Variants in NR3C2 observed in about 807,000 individuals in gnomAD.
NR3C2 encodes the protein mineralocorticoid receptor.
A neutral mutation model predicts 86.4 loss-of-function variants in NR3C2; 15 were observed. The ratio of observed to expected loss-of-function variants is 0.17; its 90% CI spans 0.12 to 0.27. The LOEUF is 0.27. Among genes scored for constraint, NR3C2 ranks in the 10% least tolerant of loss-of-function variants. NR3C2 has a pLI of 1.00. For synonymous variants in NR3C2, 458 were observed against 450.5 expected (o/e 1.02, Z -0.21); for missense variants, 960 against 1,195.6 (o/e 0.80, Z 2.91).
At chr4:148,385,485 G>T (rs533491428) in intron 2 of NR3C2, among the ~76,000 whole-genome samples, 15 of 152,280 alleles carry the variant, frequency 9.9e-5, no homozygotes, top group Admixed American at 7.8e-4. Context: ...GAAACCTCAG[G>T]TTGCTCAGAT....
chr4:148,415,887 G>C (rs538552550), intron 2 of NR3C2, among the ~76,000 whole-genome samples: 1 of 152,066 alleles, frequency 6.6e-6, no homozygotes, highest in South Asian at 2.1e-4. Context: ...AATAAACAAA[G>C]CAAGTAATCC....
At chr4:148,351,112 A>G (rs1199367179) in intron 2 of NR3C2, among the ~76,000 whole-genome samples, 2 of 152,090 alleles carry the variant, frequency 1.3e-5, no homozygotes, top group Non-Finnish European at 2.9e-5. Context: ...CTTTTGTTCT[A>G]ACATTGATTT....
chr4:148,243,878 T>G (rs1739186633), intron 3 of NR3C2, among the ~76,000 whole-genome samples: 1 of 152,230 alleles, frequency 6.6e-6, no homozygotes, highest in African/African-American at 2.4e-5. Flanking sequence ...AAAACTGCTG[T>G]ATGATTGCTG....
chr4:148,293,264 T>C (rs1246744086), intron 2 of NR3C2, among the ~76,000 whole-genome samples: 2 of 152,180 alleles, frequency 1.3e-5, no homozygotes, highest in Non-Finnish European at 2.9e-5. Context: ...TTTATAACCA[T>C]TCATTCAGAA....
chr4:148,387,462 T>C (rs774978255), intron 2 of NR3C2, among the ~76,000 whole-genome samples: 4 of 152,202 alleles, frequency 2.6e-5, no homozygotes, highest in Admixed American at 6.5e-5. Flanking sequence ...TTATTTTTTA[T>C]GGATATATCA....
intron 3 of NR3C2, among the ~76,000 whole-genome samples, chr4:148,214,028 G>T (rs867427931): frequency 6.6e-6 from 1 of 152,218 alleles, no homozygotes; most frequent in Non-Finnish European, 1.5e-5. Flanking sequence ...GGTCACAGAG[G>T]TAATGGAGAG....
In NR3C2 at chr4:148,194,718, T is replaced by C. The variant is rs755751183; in HGVS notation, c.2014+28A>G. 5.3e-6 allele frequency: 8 copies of C among 1,501,508 alleles called. No individual in the cohort carries two copies. In the East Asian group the frequency reaches 1.4e-4, roughly 25 times the overall value. 93.0% of individuals were successfully genotyped at this position (1,501,508 alleles called of 1,614,324 possible). ...GCTGTTGCATTACCTATTAACAATT[T>C]TTATTAAACTAAAAATACAAAACTT... On this transcript the variant is annotated intron_variant, in intron 4 of 8. Coordinates refer to ENST00000358102, the MANE Select transcript of NR3C2 (RefSeq NM_000901.5).
intron 2 of NR3C2, among the ~76,000 whole-genome samples, chr4:148,305,394 C>A (rs185789469): frequency 6.6e-6 from 1 of 152,054 alleles, no homozygotes; most frequent in Non-Finnish European, 1.5e-5. Flanking sequence ...TCCCAAGAGA[C>A]GTAGAGTATT....
intron 4 of NR3C2, among the ~76,000 whole-genome samples, chr4:148,183,369 T>C (rs1735733255): frequency 6.6e-6 from 1 of 152,238 alleles, no homozygotes; most frequent in Non-Finnish European, 1.5e-5. Flanking sequence ...ATGGTATTTC[T>C]AGTTCTAGTT....
At chr4:148,261,282 AGCGCTATGGTAAGTGCTATGGT>A (rs1561006022) in intron 2 of NR3C2, among the ~76,000 whole-genome samples, 6 of 114,498 alleles carry the variant, frequency 5.2e-5, no homozygotes, top group Non-Finnish European at 8.0e-5. Flanking sequence ...CACTATGGTA[AGCGCTATGGTAAGTGCTATGGT>A]GCGCTATGGT....
At chr4:148,349,501 A>G (rs1269802945) in intron 2 of NR3C2, among the ~76,000 whole-genome samples, 1 of 152,174 alleles carries the variant, frequency 6.6e-6, no homozygotes, top group Non-Finnish European at 1.5e-5. Context: ...AGAAGGACTT[A>G]TAACCTTCTG....
At chr4:148,249,914 T>C (rs1345628516) in intron 3 of NR3C2, among the ~76,000 whole-genome samples, 2 of 152,166 alleles carry the variant, frequency 1.3e-5, no homozygotes, top group Non-Finnish European at 2.9e-5. Context: ...GTTCTTTTCT[T>C]GATGTGGATT....
intron 2 of NR3C2, among the ~76,000 whole-genome samples, chr4:148,261,683 T>C (rs1390759941): frequency 6.6e-6 from 1 of 152,158 alleles, no homozygotes; most frequent in Non-Finnish European, 1.5e-5. Flanking sequence ...TGTATGTCAC[T>C]TCTATCACCT....
intron 2 of NR3C2, among the ~76,000 whole-genome samples, chr4:148,299,442 G>A (rs1406061331): frequency 1.3e-5 from 2 of 152,036 alleles, no homozygotes; most frequent in East Asian, 1.9e-4. Context: ...TTCTCTTTTC[G>A]GGACTGTAAT....
intron 2 of NR3C2, among the ~76,000 whole-genome samples, chr4:148,403,164 AAT>A (rs1553938989): frequency 1.3e-5 from 2 of 152,118 alleles, no homozygotes; most frequent in Non-Finnish European, 2.9e-5. Flanking sequence ...AAATTACAAA[AAT>A]AGTCTACAGT....
intron 8 of NR3C2, among the ~76,000 whole-genome samples, chr4:148,082,548 C>T (rs1308377027): frequency 6.6e-6 from 1 of 152,106 alleles, no homozygotes; most frequent in Non-Finnish European, 1.5e-5. Flanking sequence ...CTACACTTTT[C>T]CCAGGGTCTT....
intron 2 of NR3C2, among the ~76,000 whole-genome samples, chr4:148,426,961 CTTTTTT>C (rs1047403564): frequency 5.5e-5 from 8 of 145,470 alleles, no homozygotes; most frequent in African/African-American, 1.5e-4. Context: ...TTTTCTTTTT[CTTTTTT>C]TTTTTTGAGA....
At chr4:148,261,192 TGCACTATGGTAA>T (rs1740080819) in intron 2 of NR3C2, among the ~76,000 whole-genome samples, 1 of 152,114 alleles carries the variant, frequency 6.6e-6, no homozygotes. Context: ...AGCGCTATGG[TGCACTATGGTAA>T]GCGCTATGGT....
chr4:148,147,523 G>A (rs1017984834), intron 6 of NR3C2, among the ~76,000 whole-genome samples: 3 of 152,206 alleles, frequency 2.0e-5, no homozygotes, highest in African/African-American at 7.2e-5. Flanking sequence ...CACAGTGCCA[G>A]CTGCTAGAGA....
Sources: gnomAD v4.1 joint callset for allele counts (sites outside exome capture counted in the v4.1 genomes callset) on GRCh38, gnomAD v4.1.1 for gene constraint, MANE v1.5 for transcripts, NCBI Gene and HGNC (gene_info 2026-07-23, HGNC 2026-07-21) for gene names.